Variants in ZSCAN5A observed in about 807,000 individuals in gnomAD.
ZSCAN5A encodes zinc finger and SCAN domain containing 5A.
In ZSCAN5A, 12 loss-of-function variants were observed where a neutral mutation model predicts 23.7. That is an observed-to-expected ratio of 0.51 (90% CI 0.32 to 0.82). The LOEUF (loss-of-function observed/expected upper bound fraction) is 0.82, where lower values mean the gene tolerates loss of function less well. Ranked by LOEUF, ZSCAN5A falls within the 40% of genes least tolerant of loss-of-function variation. The pLI is 0.03. For synonymous variants in ZSCAN5A, 257 were observed against 239.9 expected (o/e 1.07, Z -0.66); for missense variants, 597 against 617.9 (o/e 0.97, Z 0.36).
At chr19:56,247,805 C>T (rs537689016) in intron 2 of ZSCAN5A, among the ~76,000 whole-genome samples, 5 of 152,078 alleles carry the variant, frequency 3.3e-5, no homozygotes, top group Admixed American at 2.0e-4. Flanking sequence ...CATTCTCCTG[C>T]CTCAGCCTCC....
chr19:56,333,017 G>A (rs1451940476), intron 2 of ZSCAN5A, among the ~76,000 whole-genome samples: 1 of 152,048 alleles, frequency 6.6e-6, no homozygotes, highest in African/African-American at 2.4e-5. Flanking sequence ...GGTTTCTGCT[G>A]AGAAGTCTGC....
chr19:56,320,500 T>A lies in ZSCAN5A; in HGVS notation c.-357-4232A>T, dbSNP rs79815050. On this transcript the variant is annotated intron_variant, in intron 2 of 6. Coordinates refer to the ZSCAN5A transcript ENST00000587340. ...TACAAAATTAGCCTGTAACTCCAGGTACTCGGGAGGATGAGGCAGGAGAAT... is the reference window on the plus strand; with the variant it reads ...TACAAAATTAGCCTGTAACTCCAGGAACTCGGGAGGATGAGGCAGGAGAAT... 4.4e-4 allele frequency: 175 copies of A among 394,154 alleles called. 3 individuals carry two copies. In the East Asian group the frequency reaches 9.6e-3, roughly 22 times the overall value. The allele number at this position is 394,154 out of a possible 1,614,324, so 24.4% of individuals were successfully genotyped here.
At position 56,336,911 on chromosome 19, in the gene ZSCAN5A, C is replaced by T. The variant is rs558481561; in HGVS notation, c.-357-20643G>A. ...TGCAGAACAGCGGATATTGGTGAAC[C>T]GCAAATGCTGCTGCCTGATCATTCC... On this transcript the variant is annotated intron_variant, in intron 2 of 6. Transcript: ENST00000587340. Among the ~76,000 whole-genome samples the T allele has an allele frequency of 1.2e-4, 18 of 152,248 alleles. No homozygotes were observed. The South Asian group carries it at 3.7e-3, about 32-fold the overall frequency.
chr19:56,227,278 T>A (rs1316108384), intron 2 of ZSCAN5A, among the ~76,000 whole-genome samples: 1 of 152,250 alleles, frequency 6.6e-6, no homozygotes, highest in African/African-American at 2.4e-5. Context: ...TTATGCTATA[T>A]GCCATAAATA....
At chr19:56,356,233 T>C (rs1001051360) in intron 2 of ZSCAN5A, among the ~76,000 whole-genome samples, 6 of 148,338 alleles carry the variant, frequency 4.0e-5, no homozygotes, top group East Asian at 1.9e-4. Context: ...CCTGGCTCAG[T>C]AGGACTAGCG....
At position 56,222,166 on chromosome 19, in the gene ZSCAN5A, G is replaced by C; in HGVS notation, c.900C>G (p.Ser300Arg). The part of the protein sequence containing the change: ...DALNLSSPKR[S>R]KPDASSISQE... Reference sequence around the variant, plus strand: ...GGGAAATGGAGGAGGCATCTGGTTTGCTTCTTTTGGGACTGCTCAGATTCA... The same window carrying C: ...GGGAAATGGAGGAGGCATCTGGTTTCCTTCTTTTGGGACTGCTCAGATTCA... Residue 300 changes from serine to arginine, a missense_variant, in exon 6 of 6, where the codon AGC (serine) becomes AGG (arginine). Ser to Arg is a moderately radical substitution (Grantham distance 110). Transcript: ENST00000683990. 6.2e-7 allele frequency: 1 copy of C among 1,614,038 alleles called. No individual in the cohort carries two copies. Among genetic ancestry groups the C allele is most frequent in the Non-Finnish European group, 8.5e-7 (1 of 1,180,028 alleles).
chr19:56,343,190 T>C, intron 2 of ZSCAN5A: 2 of 744,774 alleles, frequency 2.7e-6, no homozygotes, highest in South Asian at 2.9e-5. Context: ...AACTTCAGGT[T>C]TCTCCTCAGG....
At chr19:56,268,836 G>C (rs2037648018) in intron 2 of ZSCAN5A, among the ~76,000 whole-genome samples, 1 of 152,134 alleles carries the variant, frequency 6.6e-6, no homozygotes, top group East Asian at 1.9e-4. Context: ...CTGTCTCTAA[G>C]GATTTACTTG....
At chr19:56,356,730 AC>A (rs1042379546) in intron 2 of ZSCAN5A, among the ~76,000 whole-genome samples, 1 of 148,670 alleles carries the variant, frequency 6.7e-6, no homozygotes, top group Non-Finnish European at 1.5e-5. Context: ...TATAATTTTT[AC>A]TTTTGCCTGC....
Position 56,301,567 on chromosome 19 carries a change from T to A in ZSCAN5A, c.-128+11716A>T, listed in dbSNP as rs561835621. ...TTGCGACTTGTATCTTGTGCCAACCTCCTATTGTCATCCTGTGACTAAGAA... is the reference window on the plus strand; with the variant it reads ...TTGCGACTTGTATCTTGTGCCAACCACCTATTGTCATCCTGTGACTAAGAA... On this transcript the variant is annotated intron_variant, in intron 2 of 5. Transcript: ENST00000683990. Among the ~76,000 whole-genome samples the A allele has an allele frequency of 3.8e-4, 58 of 152,270 alleles. 2 individuals are homozygous for A. The South Asian group carries it at 0.012, about 31-fold the overall frequency.
chr19:56,233,444 A>C (rs1017301371), intron 2 of ZSCAN5A, among the ~76,000 whole-genome samples: 10 of 152,126 alleles, frequency 6.6e-5, no homozygotes, highest in Admixed American at 6.6e-4. Flanking sequence ...ATTGGATATT[A>C]CAGCTGTGCG....
chr19:56,231,996 C>CTTTTTCTTTTT (rs1555793342), intron 2 of ZSCAN5A, among the ~76,000 whole-genome samples: 3 of 124,976 alleles, frequency 2.4e-5, no homozygotes, highest in Non-Finnish European at 4.9e-5. Context: ...TTTTTCTTTT[C>CTTTTTCTTTTT]TTTTTTTTTG....
intron 2 of ZSCAN5A, chr19:56,284,085 G>C (rs777065304): frequency 1.2e-6 from 1 of 809,054 alleles, no homozygotes. Context: ...ATCTGACCTC[G>C]TTTTTGGTTT....
chr19:56,321,587 G>C (rs2041376473), intron 2 of ZSCAN5A: 1 of 782,324 alleles, frequency 1.3e-6, no homozygotes, highest in Admixed American at 1.7e-5. Flanking sequence ...ATTGACTGTG[G>C]CATCCCCATA....
chr19:56,222,362 G>C (rs1321507516), intron 5 of ZSCAN5A, 36 bp from the exon 6 acceptor site: 2 of 1,600,936 alleles, frequency 1.2e-6, no homozygotes, highest in South Asian at 1.1e-5. Flanking sequence ...AGTTAATAAA[G>C]CGCATTTTCA....
chr19:56,233,383 C>T (rs142208609), intron 2 of ZSCAN5A, among the ~76,000 whole-genome samples: 7,325 of 152,088 alleles, frequency 0.048, 220 homozygotes, highest in Non-Finnish European at 0.063. Flanking sequence ...GCCCTCCGCT[C>T]GTTATCGTGT....
At chr19:56,237,479 G>A (rs1568626698) in intron 2 of ZSCAN5A, among the ~76,000 whole-genome samples, 1 of 152,168 alleles carries the variant, frequency 6.6e-6, no homozygotes, top group African/African-American at 2.4e-5. Context: ...CGGGTTTAGG[G>A]TAGGCTAGGC....
intron 2 of ZSCAN5A, among the ~76,000 whole-genome samples, chr19:56,291,924 C>T (rs2039536450): frequency 6.6e-6 from 1 of 152,160 alleles, no homozygotes; most frequent in Non-Finnish European, 1.5e-5. Context: ...CGCGAGGCAC[C>T]AGAGCAGCAC....
chr19:56,302,561 CCCCTTCCTTT>C lies in ZSCAN5A; in HGVS notation c.-128+10712_-128+10721del, dbSNP rs1264298297. Among the ~76,000 whole-genome samples the C allele has an allele frequency of 3.2e-3, 259 of 81,128 alleles. 4 individuals are homozygous for C. Among genetic ancestry groups the C allele is most frequent in the African/African-American group, 0.013 (251 of 19,520 alleles). The allele number at this position is 81,128 out of a possible 152,430, so 53.2% of individuals were successfully genotyped here. A position where few individuals can be genotyped will look rare whatever the true frequency, so the allele number is the denominator to read the frequency against. ...TTCCTCCCCGTTCCTCCCTCCCTCC[CCCCTTCCTTT>C]TCTTCCTCCCCCTTTTCTTCCTCTC... is the stretch of plus-strand genomic sequence containing the variant. On this transcript the variant is annotated intron_variant, in intron 2 of 5. Coordinates refer to ENST00000683990, the MANE Select transcript of ZSCAN5A (RefSeq NM_001322064.3).
Sources: allele counts gnomAD v4.1 joint callset (sites outside exome capture counted in the v4.1 genomes callset), GRCh38; gene constraint gnomAD v4.1.1; transcripts MANE v1.5; gene names NCBI Gene and HGNC (gene_info 2026-07-23, HGNC 2026-07-21).